ABCC12: variants seen among roughly 807,000 people sequenced by gnomAD.
ABCC12 encodes ATP-binding cassette sub-family C member 12.
Under a neutral mutation model 151.1 loss-of-function variants are expected in ABCC12, and 142 were observed. The observed-to-expected ratio is 0.94, with a 90% CI of 0.82 to 1.08. The LOEUF (loss-of-function observed/expected upper bound fraction) is 1.08, where lower values mean the gene tolerates loss of function less well. Ranked by LOEUF, ABCC12 falls within the 50% of genes least tolerant of loss-of-function variation. ABCC12 has a pLI of 0.00. For missense variants in ABCC12, 1,638 were observed against 1,691.1 expected, an observed-to-expected ratio of 0.97 and a Z score of 0.55; for synonymous variants, 645 against 646.4, an observed-to-expected ratio of 1.00 and a Z score of 0.03.
intron 8 of ABCC12, among the ~76,000 whole-genome samples, chr16:48,134,048 C>T (rs1487762041): frequency 6.6e-6 from 1 of 152,130 alleles, no homozygotes; most frequent in Non-Finnish European, 1.5e-5. Context: ...GGATGGTGTC[C>T]AACTTCCCTT....
At chr16:48,148,168 G>A (rs923295912) in intron 2 of ABCC12, among the ~76,000 whole-genome samples, 6 of 151,042 alleles carry the variant, frequency 4.0e-5, no homozygotes, top group South Asian at 4.2e-4. Flanking sequence ...GGTTGATATC[G>A]AACTCCTGAC....
chr16:48,149,149 C>T (rs1965082235), intron 2 of ABCC12, among the ~76,000 whole-genome samples: 1 of 146,502 alleles, frequency 6.8e-6, no homozygotes, highest in Admixed American at 6.9e-5. Flanking sequence ...TAAATTATAA[C>T]ATTGTGTTAG....
At chr16:48,108,328 C>T (rs1339360392) in intron 19 of ABCC12, 112 bp downstream of exon 19, 49 of 962,182 alleles carry the variant, frequency 5.1e-5, no homozygotes, top group Non-Finnish European at 6.5e-5. Flanking sequence ...ATAAATGGCC[C>T]TAGCATAAAC....
intron 18 of ABCC12, among the ~76,000 whole-genome samples, chr16:48,110,745 C>T (rs1470499870): frequency 6.6e-6 from 1 of 152,126 alleles, no homozygotes; most frequent in African/African-American, 2.4e-5. Context: ...CCGAAGGCCA[C>T]CCCCTCTGTG....
In ABCC12 at chr16:48,104,351, C is replaced by T; in HGVS notation, c.2691G>A (p.Met897Ile). The T allele has an allele frequency of 1.9e-6, 3 of 1,614,210 alleles. No individual in the cohort carries two copies. Among genetic ancestry groups the T allele is most frequent in the Non-Finnish European group, 2.5e-6 (3 of 1,180,022 alleles). The stretch of plus-strand genomic sequence containing the variant: ...CAGTGGGAGTCGTGTCAAAGAAACT[C>T]ATTGGGCTCTTTAAGATCTGTGGAG... ...TVFDKILKSP[M>I]SFFDTTPTGR... Residue 897 changes from methionine (M) to isoleucine (I), a missense_variant, in exon 22 of 31, where the codon ATG becomes ATA. Coordinates refer to ENST00000311303, the MANE Select transcript of ABCC12 (RefSeq NM_001393797.1).
intron 13 of ABCC12, among the ~76,000 whole-genome samples, chr16:48,121,069 T>C (rs887375344): frequency 4.6e-5 from 7 of 152,166 alleles, no homozygotes; most frequent in Admixed American, 1.3e-4. Flanking sequence ...TCCTGTCTAA[T>C]TGAAACTTTG....
intron 13 of ABCC12, 173 bp downstream of exon 13, chr16:48,121,543 T>C: frequency 1.2e-6 from 1 of 859,192 alleles, no homozygotes; most frequent in Admixed American, 2.9e-5. Flanking sequence ...TCGCCTCTCC[T>C]GAACGCTTGG....
At chr16:48,118,812 A>C (rs1963974357) in intron 13 of ABCC12, among the ~76,000 whole-genome samples, 1 of 152,218 alleles carries the variant, frequency 6.6e-6, no homozygotes, top group African/African-American at 2.4e-5. Flanking sequence ...AATGGTTTGA[A>C]TCCAGCTGGG....
intron 9 of ABCC12, 97 bp downstream of exon 9, chr16:48,133,590 C>A (rs1378437727): frequency 7.1e-7 from 1 of 1,416,064 alleles, no homozygotes; most frequent in Non-Finnish European, 9.6e-7. Flanking sequence ...ATTGGATGTT[C>A]CTAATGCCAG....
chr16:48,100,559 T>A (rs1963267667), intron 23 of ABCC12, among the ~76,000 whole-genome samples: 1 of 152,200 alleles, frequency 6.6e-6, no homozygotes, highest in Non-Finnish European at 1.5e-5. Context: ...GGGGAGGGGC[T>A]GTAAGTGATT....
At chr16:48,098,960 T>A (rs59832329) in intron 23 of ABCC12, among the ~76,000 whole-genome samples, 2,313 of 152,208 alleles carry the variant, frequency 0.015, 59 homozygotes, top group African/African-American at 0.053. Flanking sequence ...TTTGGAAGTG[T>A]CTATGTGTGA....
chr16:48,091,002 C>G, intron 25 of ABCC12, 118 bp downstream of exon 25: 1 of 996,450 alleles, frequency 1.0e-6, no homozygotes, highest in Non-Finnish European at 1.6e-6. Flanking sequence ...TAAGCCACCA[C>G]GCCCGGCCCG....
chr16:48,109,521 A>G (rs1963613816), intron 18 of ABCC12, among the ~76,000 whole-genome samples: 1 of 152,182 alleles, frequency 6.6e-6, no homozygotes, highest in Non-Finnish European at 1.5e-5. Flanking sequence ...ACAGAGATAA[A>G]TAGAGTTAGA....
At chr16:48,148,708 T>A (rs1215914313) in intron 2 of ABCC12, among the ~76,000 whole-genome samples, 2 of 151,842 alleles carry the variant, frequency 1.3e-5, no homozygotes, top group Non-Finnish European at 2.9e-5. Context: ...ATGTGGAATA[T>A]CTTACTACTC....
At chr16:48,101,133 C>A in intron 22 of ABCC12, 124 bp from the exon 23 acceptor site, 4 of 1,191,928 alleles carry the variant, frequency 3.4e-6, no homozygotes, top group Non-Finnish European at 4.6e-6. Flanking sequence ...TGCCATCTAA[C>A]TGGGGATGAA....
At chr16:48,117,460 G>T (rs1963923826) in intron 13 of ABCC12, 127 bp from the exon 14 acceptor site, 7 of 945,486 alleles carry the variant, frequency 7.4e-6, no homozygotes, top group Non-Finnish European at 9.6e-6. Flanking sequence ...TATGTCCAAG[G>T]CTCCCTGGCC....
At chr16:48,148,608 G>A (rs1965073977) in intron 2 of ABCC12, among the ~76,000 whole-genome samples, 1 of 151,984 alleles carries the variant, frequency 6.6e-6, no homozygotes, top group Admixed American at 6.6e-5. Context: ...GAGAGTATTA[G>A]CAGCTACCAG....
chr16:48,129,757 C>A (rs1453284070), intron 10 of ABCC12, among the ~76,000 whole-genome samples: 1 of 152,182 alleles, frequency 6.6e-6, no homozygotes, highest in Non-Finnish European at 1.5e-5. Context: ...ATGGAAGCCT[C>A]AACTGAAGGC....
intron 20 of ABCC12, among the ~76,000 whole-genome samples, chr16:48,105,656 T>C (rs1165695203): frequency 6.6e-6 from 1 of 152,164 alleles, no homozygotes; most frequent in Non-Finnish European, 1.5e-5. Flanking sequence ...GAAGCAATGC[T>C]GGGCTGGGAA....
Sources: gnomAD v4.1 joint callset for allele counts (sites outside exome capture counted in the v4.1 genomes callset) on GRCh38, gnomAD v4.1.1 for gene constraint, MANE v1.5 for transcripts, NCBI Gene and HGNC (gene_info 2026-07-23, HGNC 2026-07-21) for gene names.